Variants in COL21A1 observed in about 807,000 individuals in gnomAD.
COL21A1 encodes collagen alpha-1(XXI) chain.
COL21A1 carries 149 observed loss-of-function variants against 137.9 expected under a neutral mutation model. The ratio of observed to expected loss-of-function variants is 1.08; its 90% CI spans 0.95 to 1.24. COL21A1 has a LOEUF of 1.24. Ranked by LOEUF, COL21A1 falls within the 50% of genes most tolerant of loss-of-function variation. The probability of loss-of-function intolerance (pLI) is 0.00; values close to 1 mark genes in which losing one functional copy is unlikely to be tolerated. For missense variants in COL21A1, 1,167 were observed against 1,158.4 expected, an observed-to-expected ratio of 1.01 and a Z score of -0.11; for synonymous variants, 456 against 391.5, an observed-to-expected ratio of 1.16 and a Z score of -1.95.
intron 16 of COL21A1, among the ~76,000 whole-genome samples, chr6:56,111,063 C>A (rs978678386): frequency 1.3e-5 from 2 of 150,274 alleles, no homozygotes; most frequent in Non-Finnish European, 3.0e-5. Context: ...AGGTGATCAT[C>A]ATTAATATCA....
Position 56,077,530 on chromosome 6 carries a change from T to G in COL21A1, c.1856A>C (p.Lys619Thr), listed in dbSNP as rs1482588551. Residue 619 changes from lysine (K) to threonine (T), a missense_variant and splice_region_variant, in exon 18 of 30, where the codon AAG becomes ACG. Coordinates refer to ENST00000244728, the MANE Select transcript of COL21A1 (RefSeq NM_030820.4). Reference sequence around the variant, plus strand: ...AAGCTAACTCTCATGAATACTTACCTTTTGGCCCATTAATCCTCGGTTTCC... The same window carrying G: ...AAGCTAACTCTCATGAATACTTACCGTTTGGCCCATTAATCCTCGGTTTCC... ...FPGNRGLMGQ[K>T]GEIGPPGQQG... 1.1e-5 allele frequency: 18 copies of G among 1,575,242 alleles called. No individual in the cohort carries two copies. Among genetic ancestry groups the G allele is most frequent in the Non-Finnish European group, 1.4e-5 (16 of 1,158,396 alleles).
At chr6:56,206,542 G>A (rs1276942624) in intron 1 of COL21A1, among the ~76,000 whole-genome samples, 1 of 151,460 alleles carries the variant, frequency 6.6e-6, no homozygotes, top group African/African-American at 2.4e-5. Context: ...AATAATAATG[G>A]GAGACTTTAA....
At chr6:56,201,999 A>G (rs1779439856) in intron 1 of COL21A1, among the ~76,000 whole-genome samples, 1 of 152,152 alleles carries the variant, frequency 6.6e-6, no homozygotes, top group Non-Finnish European at 1.5e-5. Context: ...GAAGTATAAG[A>G]ACAGAATAAT....
At chr6:56,088,424 T>C (rs1035642966) in intron 17 of COL21A1, among the ~76,000 whole-genome samples, 2 of 152,208 alleles carry the variant, frequency 1.3e-5, no homozygotes, top group Admixed American at 6.6e-5. Flanking sequence ...GCCTTTCTTA[T>C]AGCAATCCTG....
At chr6:56,271,862 G>T (rs1176629561) in intron 1 of COL21A1, among the ~76,000 whole-genome samples, 1 of 152,222 alleles carries the variant, frequency 6.6e-6, no homozygotes, top group Non-Finnish European at 1.5e-5. Flanking sequence ...CAGCTTGGTG[G>T]CTTCCATGTG....
chr6:56,361,974 T>C (rs1329489071), intron 1 of COL21A1, among the ~76,000 whole-genome samples: 1 of 152,180 alleles, frequency 6.6e-6, no homozygotes, highest in Non-Finnish European at 1.5e-5. Context: ...TGGCCTTCCA[T>C]CAGGAACAGT....
chr6:56,059,793 C>T (rs1765635963), intron 28 of COL21A1, among the ~76,000 whole-genome samples: 1 of 152,046 alleles, frequency 6.6e-6, no homozygotes, highest in Non-Finnish European at 1.5e-5. Context: ...GCAACATTTT[C>T]TAATTTGTAA....
chr6:56,081,976 T>C (rs1297170867), intron 17 of COL21A1, among the ~76,000 whole-genome samples: 1 of 151,880 alleles, frequency 6.6e-6, no homozygotes, highest in South Asian at 2.1e-4. Context: ...GAAAAGCCAT[T>C]TGGAGGCCAT....
At chr6:56,257,284 T>C (rs1763113531) in intron 1 of COL21A1, among the ~76,000 whole-genome samples, 1 of 152,136 alleles carries the variant, frequency 6.6e-6, no homozygotes, top group Admixed American at 6.5e-5. Flanking sequence ...CAAAGGAAAA[T>C]ATTTGTAGCT....
chr6:56,273,240 G>A (rs916620826), intron 1 of COL21A1, among the ~76,000 whole-genome samples: 1 of 152,176 alleles, frequency 6.6e-6, no homozygotes, highest in African/African-American at 2.4e-5. Context: ...CCAAAGCAGT[G>A]TTAAGAGGAA....
chr6:56,341,858 T>C (rs1255148014), intron 1 of COL21A1, among the ~76,000 whole-genome samples: 1 of 152,174 alleles, frequency 6.6e-6, no homozygotes, highest in East Asian at 1.9e-4. Context: ...CACATTCCTT[T>C]CAATTTTGCT....
intron 1 of COL21A1, among the ~76,000 whole-genome samples, chr6:56,279,651 C>T (rs1404479080): frequency 1.3e-5 from 2 of 152,182 alleles, no homozygotes; most frequent in African/African-American, 4.8e-5. Flanking sequence ...ATAAAAGCTG[C>T]ATTCATTTAA....
intron 1 of COL21A1, among the ~76,000 whole-genome samples, chr6:56,213,744 A>G (rs1396078931): frequency 2.0e-5 from 3 of 152,122 alleles, no homozygotes; most frequent in Admixed American, 6.6e-5. Context: ...AAGCCCACAG[A>G]AGGCACACAA....
rs66937943 is a variant in COL21A1, at chr6:56,283,874, A to ACTCT, written c.-38-101222_-38-101219dup. ...TATCTGTAGACACACTCACACACAC[A>ACTCT]CTCTCTCTCTCTCTCTCTCTCTCTC... On this transcript the variant is annotated intron_variant, in intron 1 of 28. Coordinates refer to the COL21A1 transcript ENST00000370819. 1.9e-3 allele frequency among the ~76,000 whole-genome samples: 276 copies of ACTCT among 146,272 alleles called. 1 individual carries two copies. The highest frequency in any genetic ancestry group is 2.9e-3 in the Non-Finnish European group (191 of 66,702).
intron 17 of COL21A1, among the ~76,000 whole-genome samples, chr6:56,083,903 C>T (rs12193262): frequency 0.072 from 10,925 of 151,752 alleles, 435 homozygotes; most frequent in Middle Eastern, 0.12. Context: ...GAAATATATC[C>T]GTATAATATA....
At chr6:56,064,703 C>A in intron 23 of COL21A1, 81 bp from the exon 24 acceptor site, 2 of 801,108 alleles carry the variant, frequency 2.5e-6, no homozygotes, top group Non-Finnish European at 3.8e-6. Context: ...TATGTATTAC[C>A]TTGAGTTCCA....
chr6:56,083,649 T>C (rs1767981451), intron 17 of COL21A1, among the ~76,000 whole-genome samples: 1 of 151,982 alleles, frequency 6.6e-6, no homozygotes, highest in Admixed American at 6.6e-5. Flanking sequence ...AGATAGTTTC[T>C]ATGTAATTTA....
chr6:56,352,631 C>T (rs561068869), intron 1 of COL21A1, among the ~76,000 whole-genome samples: 7 of 152,260 alleles, frequency 4.6e-5, no homozygotes, highest in South Asian at 2.1e-4. Flanking sequence ...AAACTGTAAT[C>T]GCCTTCCTTC....
chr6:56,288,257 A>G (rs1371382586), intron 1 of COL21A1, among the ~76,000 whole-genome samples: 10 of 151,928 alleles, frequency 6.6e-5, no homozygotes, highest in Admixed American at 6.6e-4. Context: ...AATAAAAGAA[A>G]AAAAAAAGGA....
Sources: allele counts gnomAD v4.1 joint callset (sites outside exome capture counted in the v4.1 genomes callset), GRCh38; gene constraint gnomAD v4.1.1; transcripts MANE v1.5; gene names NCBI Gene and HGNC (gene_info 2026-07-23, HGNC 2026-07-21).